MED13L: variants seen among roughly 807,000 people sequenced by gnomAD.
The protein encoded by MED13L is mediator complex subunit 13L.
Under a neutral mutation model 220.9 loss-of-function variants are expected in MED13L, and 7 were observed. The observed-to-expected ratio is 0.03, with a 90% CI of 0.02 to 0.06. The LOEUF is 0.06. MED13L is among the 10% of genes least tolerant of loss of function. The pLI, the probability that MED13L is intolerant of heterozygous loss-of-function variation, is 1.00. For synonymous variants in MED13L, 1,011 were observed against 1,015.2 expected (o/e 1.00, Z 0.08); for missense variants, 1,965 against 2,760.5 (o/e 0.71, Z 6.46).
chr12:116,124,174 G>C (rs893810813), intron 2 of MED13L, among the ~76,000 whole-genome samples: 1 of 151,676 alleles, frequency 6.6e-6, no homozygotes. Context: ...GAGACAGAGA[G>C]AGACAGAGAG....
chr12:116,157,130 T>C (rs896500399), intron 2 of MED13L, among the ~76,000 whole-genome samples: 2 of 152,096 alleles, frequency 1.3e-5, no homozygotes, highest in Non-Finnish European at 2.9e-5. Context: ...AAAACATAAA[T>C]CAAAAAACTT....
At chr12:116,055,541 C>T (rs144110493) in intron 4 of MED13L, among the ~76,000 whole-genome samples, 7 of 152,238 alleles carry the variant, frequency 4.6e-5, no homozygotes, top group African/African-American at 7.2e-5. Flanking sequence ...GTTTCACAAC[C>T]GGCCTTTCCA....
chr12:116,065,038 CCAGA>C (rs1869815814), intron 4 of MED13L, among the ~76,000 whole-genome samples: 1 of 151,904 alleles, frequency 6.6e-6, no homozygotes, highest in Non-Finnish European at 1.5e-5. Context: ...CAGATTGTAC[CCAGA>C]CAAACCTAAA....
At chr12:116,092,232 C>A (rs751534244) in intron 4 of MED13L, among the ~76,000 whole-genome samples, 14 of 152,190 alleles carry the variant, frequency 9.2e-5, no homozygotes, top group Non-Finnish European at 1.6e-4. Flanking sequence ...TTTCTGGACA[C>A]TAAAAAGAGG....
chr12:115,982,796 G>A (rs961713656), intron 21 of MED13L, among the ~76,000 whole-genome samples, 193 bp from the exon 22 acceptor site: 2 of 152,136 alleles, frequency 1.3e-5, no homozygotes, highest in African/African-American at 4.8e-5. Context: ...GATGGAAAAT[G>A]GCAATGTACT....
intron 2 of MED13L, among the ~76,000 whole-genome samples, chr12:116,168,362 G>A (rs1042680287): frequency 6.0e-5 from 9 of 150,262 alleles, no homozygotes; most frequent in Admixed American, 3.3e-4. Flanking sequence ...AGAGGTACAA[G>A]GTGACGAGAA....
intron 29 of MED13L, among the ~76,000 whole-genome samples, chr12:115,965,479 C>T (rs1876089074): frequency 6.6e-6 from 1 of 152,210 alleles, no homozygotes; most frequent in Non-Finnish European, 1.5e-5. Context: ...CTGGCCAACA[C>T]AGTATGCTGC....
intron 3 of MED13L, among the ~76,000 whole-genome samples, chr12:116,099,843 T>G (rs1872915644): frequency 6.6e-6 from 1 of 152,056 alleles, no homozygotes; most frequent in African/African-American, 2.4e-5. Flanking sequence ...GCTCCTTGAG[T>G]TCCCACTGCA....
intron 2 of MED13L, among the ~76,000 whole-genome samples, chr12:116,213,404 G>GT (rs11430209): frequency 0.73 from 111,298 of 152,074 alleles, 42,329 homozygotes; most frequent in East Asian, 1. Context: ...GCAAAAGTTT[G>GT]TTTTTGTTTG....
chr12:116,000,969 T>C (rs1247580848), intron 14 of MED13L, among the ~76,000 whole-genome samples: 3 of 152,130 alleles, frequency 2.0e-5, no homozygotes, highest in Non-Finnish European at 4.4e-5. Context: ...GTAAAATATG[T>C]ACAACCATTA....
chr12:116,190,171 A>T (rs775773648), intron 2 of MED13L, among the ~76,000 whole-genome samples: 2 of 152,188 alleles, frequency 1.3e-5, no homozygotes, highest in Non-Finnish European at 2.9e-5. Flanking sequence ...ACCATTAAGA[A>T]TAATCTTAGC....
chr12:116,161,941 T>C (rs895491131), intron 2 of MED13L, among the ~76,000 whole-genome samples: 1 of 152,080 alleles, frequency 6.6e-6, no homozygotes, highest in Non-Finnish European at 1.5e-5. Context: ...AACAAGTTCT[T>C]AGGTGACGGG....
chr12:115,967,043 C>T (rs1389862399), intron 28 of MED13L, among the ~76,000 whole-genome samples: 1 of 151,686 alleles, frequency 6.6e-6, no homozygotes, highest in African/African-American at 2.4e-5. Context: ...CAGTAGTGCA[C>T]GCCTGTAATC....
chr12:115,959,488 A>T lies in MED13L; in HGVS notation c.*1778T>A, dbSNP rs552472740. 1 of 152,738 alleles carries T rather than the reference A, an allele frequency of 6.5e-6. No homozygotes were observed. The highest frequency in any genetic ancestry group is 2.1e-4 in the South Asian group (1 of 4,824). 9.5% of individuals were successfully genotyped at this position (152,738 alleles called of 1,614,324 possible). On this transcript the variant is annotated 3_prime_UTR_variant, in exon 31 of 31. Transcript: ENST00000281928. ...CTTTACAATTTGTCTTCTCACCAAG[A>T]TAATTTTATACAAGTTTACAATCTT...
intron 2 of MED13L, chr12:116,181,154 C>T (rs1304186078): frequency 6.6e-6 from 1 of 152,218 alleles, no homozygotes; most frequent in Non-Finnish European, 1.5e-5. Flanking sequence ...TGGTCTCAAA[C>T]TCCTGACCTG....
chr12:116,264,898 C>CAAGA (rs1369160722), intron 1 of MED13L, among the ~76,000 whole-genome samples: 1 of 152,146 alleles, frequency 6.6e-6, no homozygotes, highest in Non-Finnish European at 1.5e-5. Flanking sequence ...GAGGCTGAGG[C>CAAGA]AAGAGGATTA....
At chr12:116,189,102 G>A (rs930787347) in intron 2 of MED13L, among the ~76,000 whole-genome samples, 2 of 152,042 alleles carry the variant, frequency 1.3e-5, no homozygotes, top group Non-Finnish European at 2.9e-5. Flanking sequence ...AATGATAGTT[G>A]GCATGTTTTG....
intron 1 of MED13L, among the ~76,000 whole-genome samples, chr12:116,258,244 C>T (rs762974863): frequency 6.6e-6 from 1 of 152,128 alleles, no homozygotes; most frequent in Non-Finnish European, 1.5e-5. Flanking sequence ...TCCTGTGTGA[C>T]CTTGGACAAG....
Position 115,992,806 on chromosome 12 carries a change from G to A in MED13L, c.2997-849C>T, listed in dbSNP as rs368755498. 1.6e-4 allele frequency among the ~76,000 whole-genome samples: 24 copies of A among 152,222 alleles called. 3 individuals are homozygous for A. Among genetic ancestry groups the A allele is most frequent in the African/African-American group, 5.5e-4 (23 of 41,530 alleles). On this transcript the variant is annotated intron_variant, in intron 16 of 30. Coordinates refer to ENST00000281928, the MANE Select transcript of MED13L (RefSeq NM_015335.5). The stretch of plus-strand genomic sequence containing the variant: ...TTATTTTAGTTGCCCAAGACTGACT[G>A]GGCTATGTTATCTACTTTCTCATAA...
Sources: gnomAD v4.1 joint callset for allele counts (sites outside exome capture counted in the v4.1 genomes callset) on GRCh38, gnomAD v4.1.1 for gene constraint, MANE v1.5 for transcripts, NCBI Gene and HGNC (gene_info 2026-07-23, HGNC 2026-07-21) for gene names.